Variants in MPHOSPH8 observed in about 807,000 individuals in gnomAD.
MPHOSPH8 encodes the protein M-phase phosphoprotein 8, also known as M-phase phosphoprotein, mpp.
MPHOSPH8 carries 45 observed loss-of-function variants against 87.3 expected under a neutral mutation model. The ratio of observed to expected loss-of-function variants is 0.52; its 90% CI spans 0.41 to 0.66. The LOEUF is 0.66. Ranked by LOEUF, MPHOSPH8 falls within the 30% of genes least tolerant of loss-of-function variation. MPHOSPH8 has a pLI of 0.00. For missense variants in MPHOSPH8, 883 were observed against 1,020.2 expected, an observed-to-expected ratio of 0.87 and a Z score of 1.83; for synonymous variants, 366 against 376.9, an observed-to-expected ratio of 0.97 and a Z score of 0.33.
intron 9 of MPHOSPH8, among the ~76,000 whole-genome samples, chr13:19,665,769 G>A (rs1875780344): frequency 6.6e-6 from 1 of 152,194 alleles, no homozygotes; most frequent in African/African-American, 2.4e-5. Context: ...TTTCGCAAAT[G>A]GAAACGTGCC....
At chr13:19,670,417 C>T (rs1876060777) in intron 12 of MPHOSPH8, 54 bp downstream of exon 12, 1 of 1,551,694 alleles carries the variant, frequency 6.4e-7, no homozygotes, top group Admixed American at 1.9e-5. Flanking sequence ...ATCAAAAGCA[C>T]AGATGACTTA....
chr13:19,661,547 T>G, intron 7 of MPHOSPH8, 151 bp from the exon 8 acceptor site: 2 of 756,866 alleles, frequency 2.6e-6, no homozygotes, highest in Non-Finnish European at 4.1e-6. Flanking sequence ...TAGCTTCTGA[T>G]GGTTGGGATA....
At chr13:19,670,201 C>T (rs1876046123) in intron 11 of MPHOSPH8, 35 bp from the exon 12 acceptor site, 3 of 1,613,004 alleles carry the variant, frequency 1.9e-6, no homozygotes, top group Non-Finnish European at 2.5e-6. Flanking sequence ...TGAAGGTTGC[C>T]TTTGAAGTAA....
At chr13:19,642,505 G>T (rs752288774) in intron 2 of MPHOSPH8, among the ~76,000 whole-genome samples, 3 of 152,050 alleles carry the variant, frequency 2.0e-5, no homozygotes, top group Non-Finnish European at 4.4e-5. Flanking sequence ...GATGAATATT[G>T]ATATTTTCCT....
chr13:19,651,187 G>A (rs1210716330), intron 5 of MPHOSPH8, among the ~76,000 whole-genome samples: 1 of 152,230 alleles, frequency 6.6e-6, no homozygotes, highest in Non-Finnish European at 1.5e-5. Context: ...GTTGTGTACA[G>A]ATTTAAAAGA....
At chr13:19,668,049 G>A (rs73166953) in intron 10 of MPHOSPH8, among the ~76,000 whole-genome samples, 3,220 of 152,254 alleles carry the variant, frequency 0.021, 37 homozygotes, top group Middle Eastern at 0.075. Flanking sequence ...AGTACTGAGG[G>A]GTTCCCCTTT....
In MPHOSPH8 at chr13:19,672,944, T is replaced by A; in HGVS notation, c.*1069T>A. On this transcript the variant is annotated 3_prime_UTR_variant, in exon 14 of 14. Transcript: ENST00000361479. ...GGTGGAACAAGCCTGTAGTCCCAGA[T>A]ACTCAGGAGGCTGAGGTGAAAGGAT... 1 of 381,564 alleles carries A rather than the reference T, an allele frequency of 2.6e-6. No homozygotes were observed. The highest frequency in any genetic ancestry group is 2.0e-5 in the South Asian group (1 of 48,842). The allele number at this position is 381,564 out of a possible 1,614,324, so 23.6% of individuals were successfully genotyped here.
intron 12 of MPHOSPH8, chr13:19,671,004 A>G: frequency 8.0e-7 from 1 of 1,247,848 alleles, no homozygotes; most frequent in Non-Finnish European, 1.1e-6. Flanking sequence ...TATTTTTTGT[A>G]GAGATGGGGT....
Position 19,648,449 on chromosome 13 carries a change from A to G in MPHOSPH8, c.1246A>G (p.Lys416Glu), listed in dbSNP as rs1373941389. The change falls in exon 4 of 14, where the codon AAA becomes GAA. Residue 416 changes from lysine (K) to glutamate (E), a missense_variant. Lys to Glu is a moderately conservative substitution (Grantham distance 56). Transcript: ENST00000361479. Reference protein sequence around the residue: ...EDKETKRNESKEKYQKRHDSD... With the variant: ...EDKETKRNESEEKYQKRHDSD... ...CAAAGAAACCAAAAGAAATGAATCCAAAGAAAAATATCAGAAAAGGCATGA... is the reference window on the plus strand; with the variant it reads ...CAAAGAAACCAAAAGAAATGAATCCGAAGAAAAATATCAGAAAAGGCATGA... 3.1e-6 allele frequency: 5 copies of G among 1,594,534 alleles called. No individual in the cohort carries two copies. The highest frequency in any genetic ancestry group is 4.3e-6 in the Non-Finnish European group (5 of 1,171,364).
chr13:19,662,629 T>C (rs1252750586), intron 8 of MPHOSPH8, among the ~76,000 whole-genome samples: 1 of 152,258 alleles, frequency 6.6e-6, no homozygotes, highest in Non-Finnish European at 1.5e-5. Flanking sequence ...CATTTCAAAA[T>C]GTGATTTATC....
At chr13:19,651,595 C>T (rs888112062) in intron 5 of MPHOSPH8, among the ~76,000 whole-genome samples, 4 of 151,394 alleles carry the variant, frequency 2.6e-5, no homozygotes, top group African/African-American at 4.9e-5. Context: ...ACTCTGGAGG[C>T]GAGGCAGGAG....
At chr13:19,656,277 C>CAAAAAAA (rs71198922) in intron 5 of MPHOSPH8, among the ~76,000 whole-genome samples, 1 of 72,244 alleles carries the variant, frequency 1.4e-5, no homozygotes, top group Non-Finnish European at 2.3e-5. Context: ...AGACTGTTGT[C>CAAAAAAA]AAAAAAAAAA....
intron 11 of MPHOSPH8, 53 bp from the exon 12 acceptor site, chr13:19,670,183 C>T (rs1427222167): frequency 6.2e-7 from 1 of 1,608,008 alleles, no homozygotes; most frequent in African/African-American, 1.3e-5. Context: ...GAGTGTTCCT[C>T]TGGGGACTGA....
In MPHOSPH8 at chr13:19,648,156, C is replaced by CT. The variant is rs572579207; in HGVS notation, c.1219-253dup. Among the ~76,000 whole-genome samples, 512 of 138,966 alleles carry CT rather than the reference C, an allele frequency of 3.7e-3. 11 individuals are homozygous for CT. The South Asian group carries it at 0.057, about 15-fold the overall frequency. 91.2% of individuals were successfully genotyped at this position (138,966 alleles called of 152,430 possible). A position where few individuals can be genotyped will look rare whatever the true frequency, so the allele number is the denominator to read the frequency against. On this transcript the variant is annotated intron_variant, in intron 3 of 13. Coordinates refer to ENST00000361479, the MANE Select transcript of MPHOSPH8 (RefSeq NM_017520.4). ...GGGTGGAAAACTTTCTTATAATTTT[C>CT]TTTTTTTTTTTTTAATAATAAAATT...
intron 2 of MPHOSPH8, among the ~76,000 whole-genome samples, chr13:19,643,495 C>A (rs1486017234): frequency 6.6e-6 from 1 of 152,180 alleles, no homozygotes; most frequent in East Asian, 1.9e-4. Flanking sequence ...ATCCTCGCAC[C>A]TCGGCCTCCC....
chr13:19,635,768 T>C (rs902572611), intron 1 of MPHOSPH8, among the ~76,000 whole-genome samples: 1 of 152,178 alleles, frequency 6.6e-6, no homozygotes, highest in Non-Finnish European at 1.5e-5. Context: ...GAGTGGTTTA[T>C]ATGATTAAAG....
At chr13:19,650,288 T>C (rs1390433766) in intron 5 of MPHOSPH8, 28 bp downstream of exon 5, 1 of 1,605,864 alleles carries the variant, frequency 6.2e-7, no homozygotes, top group Non-Finnish European at 8.5e-7. Context: ...TTGCAGAATT[T>C]TTCAAGGTAG....
intron 5 of MPHOSPH8, 77 bp downstream of exon 5, chr13:19,650,337 T>A: frequency 1.4e-6 from 2 of 1,458,624 alleles, no homozygotes; most frequent in Non-Finnish European, 1.8e-6. Context: ...TCTGTATTTC[T>A]GATCTCAACG....
chr13:19,645,286 G>C (rs1339150244), intron 2 of MPHOSPH8, among the ~76,000 whole-genome samples: 1 of 152,214 alleles, frequency 6.6e-6, no homozygotes, highest in African/African-American at 2.4e-5. Context: ...TTTTGGTAAG[G>C]CCTGTGTGGT....
Sources: allele counts gnomAD v4.1 joint callset (sites outside exome capture counted in the v4.1 genomes callset), GRCh38; gene constraint gnomAD v4.1.1; transcripts MANE v1.5; gene names NCBI Gene and HGNC (gene_info 2026-07-23, HGNC 2026-07-21).